The following USP8 variants were observed in gnomAD, a reference collection of about 807,000 sequenced individuals.
USP8 encodes the protein ubiquitin carboxyl-terminal hydrolase 8.
In USP8, 27 loss-of-function variants were observed where a neutral mutation model predicts 130.0. The observed-to-expected ratio is 0.21, with a 90% CI of 0.15 to 0.29. The LOEUF is 0.29. Ranked by LOEUF, USP8 falls within the 10% of genes least tolerant of loss-of-function variation. USP8 has a pLI of 1.00. For synonymous variants in USP8, 392 were observed against 444.1 expected (o/e 0.88, Z 1.48); for missense variants, 1,029 against 1,312.2 (o/e 0.78, Z 3.33).
chr15:50,454,877 C>G (rs971068521), intron 4 of USP8, among the ~76,000 whole-genome samples: 1 of 152,058 alleles, frequency 6.6e-6, no homozygotes, highest in Non-Finnish European at 1.5e-5. Flanking sequence ...AACTCCTGGG[C>G]TCAAGCAATC....
intron 8 of USP8, among the ~76,000 whole-genome samples, chr15:50,475,585 A>T (rs2051539682): frequency 6.6e-6 from 1 of 151,948 alleles, no homozygotes; most frequent in Non-Finnish European, 1.5e-5. Context: ...GTACACACAC[A>T]CATATATATA....
At position 50,505,368 on chromosome 15, in the gene USP8, A is replaced by G. The variant is rs917199077; in HGVS notation, c.*6280A>G. ...CAGCCATAGAAATCAGAGACAATAC[A>G]GTAGCTTCAAAATAATAGAGAAAAA... On this transcript the variant is annotated 3_prime_UTR_variant, in exon 20 of 20. Transcript: ENST00000307179. The G allele has an allele frequency of 2.0e-5, 3 of 152,218 alleles. No individual in the cohort carries two copies. Among genetic ancestry groups the G allele is most frequent in the African/African-American group, 7.2e-5 (3 of 41,466 alleles). 9.4% of individuals were successfully genotyped at this position (152,218 alleles called of 1,614,324 possible). A position where few individuals can be genotyped will look rare whatever the true frequency, so the allele number is the denominator to read the frequency against.
At chr15:50,442,666 A>C (rs1477590176) in intron 3 of USP8, among the ~76,000 whole-genome samples, 1 of 152,196 alleles carries the variant, frequency 6.6e-6, no homozygotes, top group Admixed American at 6.5e-5. Flanking sequence ...AACCACTTGA[A>C]TCTGGGAGGC....
Position 50,476,961 on chromosome 15 carries a change from C to T in USP8, c.962C>T (p.Pro321Leu), listed in dbSNP as rs776663696. The T allele has an allele frequency of 2.5e-6, 4 of 1,607,152 alleles. No individual in the cohort carries two copies. The highest frequency in any genetic ancestry group is 1.7e-5 in the Admixed American group (1 of 57,356). ...YTTNAKVTPP[P>L]RRQNEEVSIS... ...ACAAATGCTAAGGTCACTCCACCCCCACGACGCCAGAATGAAGAGGTGTCT... is the reference window on the plus strand; with the variant it reads ...ACAAATGCTAAGGTCACTCCACCCCTACGACGCCAGAATGAAGAGGTGTCT... The change falls in exon 9 of 20, where the codon CCA (proline) becomes CTA (leucine). Residue 321 changes from proline to leucine, a missense_variant. Pro to Leu is a moderately conservative substitution (Grantham distance 98, BLOSUM62 -3). This residue lies in a region of USP8 where 486 missense variants were observed against 522.0 expected (regional missense o/e 0.93). Transcript: ENST00000307179.
chr15:50,479,598 G>A (rs1308078269), intron 10 of USP8, among the ~76,000 whole-genome samples: 3 of 151,852 alleles, frequency 2.0e-5, no homozygotes, highest in African/African-American at 7.3e-5. Context: ...ATTTATTTTT[G>A]TTTCTGTTCC....
rs796704002 is a variant in USP8 at position 50,500,442 on chromosome 15, G to A, written c.*1354G>A. The A allele has an allele frequency of 4.3e-5, 10 of 231,564 alleles. No homozygotes were observed. Among genetic ancestry groups the A allele is most frequent in the African/African-American group, 2.0e-4 (9 of 45,494 alleles). The allele number at this position is 231,564 out of a possible 1,614,324, so 14.3% of individuals were successfully genotyped here. On this transcript the variant is annotated 3_prime_UTR_variant, in exon 20 of 20. Coordinates refer to ENST00000307179, the MANE Select transcript of USP8 (RefSeq NM_005154.5). ...TTGAAGGCCTGCATCCATTAGCATT[G>A]CATTATATTCACACTGCCTTTTTTA...
In USP8 at chr15:50,498,813, T is replaced by TAAGA. The variant is rs1341262475; in HGVS notation, c.3171+87_3172-85dup. On this transcript the variant is annotated intron_variant, in intron 19 of 19. Transcript: ENST00000307179. ...AGTGGTTTCCTACCTCATGGAAGAGTAAGAACAACATAAAGCTTTGAAACT... is the reference window on the plus strand; with the variant it reads ...AGTGGTTTCCTACCTCATGGAAGAGTAAGAAAGAACAACATAAAGCTTTGAAACT... 46 of 1,548,258 alleles carry TAAGA rather than the reference T, an allele frequency of 3.0e-5. No individual in the cohort carries two copies. In the East Asian group the frequency reaches 7.9e-4, roughly 27 times the overall value.
Position 50,510,839 on chromosome 15 carries a change from C to G in USP8, c.*11751C>G, listed in dbSNP as rs975430849. 3.3e-5 allele frequency: 5 copies of G among 151,992 alleles called. No individual in the cohort carries two copies. The highest frequency in any genetic ancestry group is 5.9e-5 in the Non-Finnish European group (4 of 68,028). 9.4% of individuals were successfully genotyped at this position (151,992 alleles called of 1,614,324 possible). On this transcript the variant is annotated 3_prime_UTR_variant, in exon 20 of 20. Coordinates refer to ENST00000307179, the MANE Select transcript of USP8 (RefSeq NM_005154.5). ...TCTCCCAGGCTGGAGTGCAGTGGCG[C>G]TATCTCGGCTCACTGCAAGCTCCGC...
chr15:50,452,736 C>A (rs759306468), intron 4 of USP8, among the ~76,000 whole-genome samples: 4 of 152,162 alleles, frequency 2.6e-5, no homozygotes, highest in African/African-American at 7.2e-5. Context: ...GTTTCCTCAT[C>A]TGTAACTAGG....
chr15:50,434,179 T>G (rs2050025676), intron 1 of USP8, among the ~76,000 whole-genome samples: 1 of 152,018 alleles, frequency 6.6e-6, no homozygotes, highest in East Asian at 1.9e-4. Flanking sequence ...CTCCGCTCAC[T>G]GCAATCTTCA....
intron 10 of USP8, among the ~76,000 whole-genome samples, chr15:50,481,192 T>G (rs142665502): frequency 6.6e-6 from 1 of 152,228 alleles, no homozygotes; most frequent in African/African-American, 2.4e-5. Flanking sequence ...TGCCCAGGTC[T>G]AGGTTTTATG....
At chr15:50,467,426 G>C (rs1483278591) in intron 7 of USP8, among the ~76,000 whole-genome samples, 1 of 152,156 alleles carries the variant, frequency 6.6e-6, no homozygotes, top group Admixed American at 6.5e-5. Context: ...AGGAGTTTCA[G>C]TTTGGTGCTA....
intron 9 of USP8, 64 bp downstream of exon 9, chr15:50,477,057 C>A (rs569979340): frequency 1.3e-6 from 2 of 1,569,092 alleles, no homozygotes; most frequent in African/African-American, 1.4e-5. Flanking sequence ...ATTGTTTTCC[C>A]GGTAACATTC....
At chr15:50,456,083 C>A (rs1237837945) in intron 4 of USP8, among the ~76,000 whole-genome samples, 1 of 152,154 alleles carries the variant, frequency 6.6e-6, no homozygotes, top group Non-Finnish European at 1.5e-5. Context: ...TTATAGTTGT[C>A]TGTGAGAGGT....
intron 18 of USP8, chr15:50,497,515 TCAAA>T (rs2052462803): frequency 4.2e-6 from 1 of 238,374 alleles, no homozygotes; most frequent in African/African-American, 2.2e-5. Flanking sequence ...ACAGTATAAT[TCAAA>T]CAAATTAGCA....
At chr15:50,430,855 C>G (rs1247641072) in intron 1 of USP8, among the ~76,000 whole-genome samples, 2 of 152,110 alleles carry the variant, frequency 1.3e-5, no homozygotes, top group Non-Finnish European at 2.9e-5. Flanking sequence ...ACCAGTGGTT[C>G]TTGTTGGGGG....
chr15:50,453,333 A>C (rs144166241), intron 4 of USP8, among the ~76,000 whole-genome samples: 1 of 152,168 alleles, frequency 6.6e-6, no homozygotes, highest in South Asian at 2.1e-4. Context: ...TCATAAATCT[A>C]TTGTTTTCCC....
chr15:50,471,292 C>A (rs539297508), intron 7 of USP8, among the ~76,000 whole-genome samples: 12 of 151,980 alleles, frequency 7.9e-5, no homozygotes, highest in Non-Finnish European at 1.6e-4. Flanking sequence ...CAGGTGATTC[C>A]CCAGTTTATA....
chr15:50,496,341 C>T (rs1391435254), intron 17 of USP8, among the ~76,000 whole-genome samples: 8 of 151,856 alleles, frequency 5.3e-5, no homozygotes, highest in Admixed American at 5.2e-4. Flanking sequence ...ATTAGCCGGG[C>T]GTGGTGGTGG....
Sources: allele counts gnomAD v4.1 joint callset (sites outside exome capture counted in the v4.1 genomes callset), GRCh38; gene constraint gnomAD v4.1.1; regional missense constraint gnomAD v4.1.1; transcripts MANE v1.5; gene names NCBI Gene and HGNC (gene_info 2026-07-23, HGNC 2026-07-21).